Variants in NEURL1 observed in about 807,000 individuals in gnomAD.
NEURL1 encodes the protein neuralized E3 ubiquitin protein ligase 1, also known as E3 ubiquitin-protein ligase NEURL1.
A neutral mutation model predicts 41.2 loss-of-function variants in NEURL1; 26 were observed. The observed-to-expected ratio is 0.63, with a 90% CI of 0.46 to 0.87. The LOEUF (loss-of-function observed/expected upper bound fraction) is 0.87. Ranked by LOEUF, NEURL1 falls within the 40% of genes least tolerant of loss-of-function variation. The pLI is 0.00. For missense variants in NEURL1, 761 were observed against 871.1 expected, an observed-to-expected ratio of 0.87 and a Z score of 1.59; for synonymous variants, 400 against 402.3, an observed-to-expected ratio of 0.99 and a Z score of 0.07.
chr10:103,555,410 C>T (rs900366403), intron 1 of NEURL1: 9 of 1,359,354 alleles, frequency 6.6e-6, no homozygotes, highest in Non-Finnish European at 8.8e-6. Context: ...GAGCACTCTC[C>T]ACGGTAAGGC....
In NEURL1 at chr10:103,553,500, G is replaced by C. The variant is rs1488649559; in HGVS notation, c.86-17372G>C. ...GACTCGGGTGTCGTGGCTTCTCCCG[G>C]AAGTCGTGGGCATGCCTCTGGCTCA... On this transcript the variant is annotated intron_variant, in intron 1 of 5. Transcript: ENST00000369780. Among the ~76,000 whole-genome samples the C allele has an allele frequency of 2.6e-5, 4 of 151,858 alleles. No individual in the cohort carries two copies. The East Asian group carries it at 5.8e-4, about 22-fold the overall frequency.
Position 103,535,570 on chromosome 10 carries a change from C to T in NEURL1, c.86-35302C>T, listed in dbSNP as rs556498250. On this transcript the variant is annotated intron_variant, in intron 1 of 5. Transcript: ENST00000369780. ...GCTTAGGCACTGGGGTGAGTGACTG[C>T]TCCAGGTAGCCAAGGTACTGTTTTC... 1.2e-4 allele frequency among the ~76,000 whole-genome samples: 19 copies of T among 152,278 alleles called. No individual in the cohort carries two copies. The South Asian group carries it at 3.9e-3, about 32-fold the overall frequency.
chr10:103,512,992 A>G (rs558468313), intron 1 of NEURL1, among the ~76,000 whole-genome samples: 7 of 150,224 alleles, frequency 4.7e-5, no homozygotes, highest in Non-Finnish European at 1.0e-4. Context: ...CTCTCCCTCT[A>G]CCTTCTCATT....
intron 3 of NEURL1, among the ~76,000 whole-genome samples, chr10:103,579,216 C>T (rs1431631499): frequency 2.0e-5 from 3 of 152,236 alleles, no homozygotes; most frequent in African/African-American, 7.2e-5. Flanking sequence ...TGCTCTTCAC[C>T]AGGTGTTTGC....
At chr10:103,575,218 T>C (rs2035636060) in intron 3 of NEURL1, among the ~76,000 whole-genome samples, 1 of 151,638 alleles carries the variant, frequency 6.6e-6, no homozygotes, top group Non-Finnish European at 1.5e-5. Context: ...CACCTGTATC[T>C]TTCTGGGCTT....
In NEURL1 at chr10:103,508,093, C is replaced by T. The variant is rs181261882; in HGVS notation, c.85+13621C>T. On this transcript the variant is annotated intron_variant, in intron 1 of 5. Transcript: ENST00000369780. This position sits in a 1 kb window ranked among gnomAD's most constrained non-coding sequence, Gnocchi z 4.3. ...GATGGCCCTGTAGTAAAACAGAATGCGGAAGAGCAGCTGAGAACCAGGCAA... is the reference window on the plus strand; with the variant it reads ...GATGGCCCTGTAGTAAAACAGAATGTGGAAGAGCAGCTGAGAACCAGGCAA... 1.6e-3 allele frequency among the ~76,000 whole-genome samples: 246 copies of T among 152,272 alleles called. 7 individuals are homozygous for T. Among genetic ancestry groups the T allele is most frequent in the Admixed American group, 0.015 (226 of 15,294 alleles).
chr10:103,588,947 A>G (rs1026525555), intron 4 of NEURL1: 81 of 375,378 alleles, frequency 2.2e-4, no homozygotes, highest in Non-Finnish European at 4.1e-4. Context: ...CGTCTGAAAA[A>G]AAAAAAAAAA....
Position 103,571,795 on chromosome 10 carries a change from G to A in NEURL1, c.622G>A (p.Gly208Ser). 1 of 1,610,098 alleles carries A rather than the reference G, an allele frequency of 6.2e-7. No individual in the cohort carries two copies. Among genetic ancestry groups the A allele is most frequent in the African/African-American group, 1.3e-5 (1 of 75,020 alleles). Residue 208 changes from glycine to serine, a missense_variant, in exon 3 of 6, where the codon GGC becomes AGC. By Grantham distance (56) the Gly-to-Ser change is moderately conservative. Around this residue, in one of 5 missense-constraint regions of NEURL1, gnomAD observed 114 missense variants for 144.8 expected, o/e 0.79. Coordinates refer to ENST00000369780, the MANE Select transcript of NEURL1 (RefSeq NM_004210.5). ...DPLWALVDVY[G>S]LTRGVQLLDS... is the part of the protein sequence containing the mutation. The stretch of plus-strand genomic sequence containing the variant: ...GCTCTGGGCCCTGGTGGACGTCTAC[G>A]GCCTCACGCGGGGCGTCCAGCTGCT...
intron 1 of NEURL1, among the ~76,000 whole-genome samples, chr10:103,567,387 A>C (rs910612178): frequency 6.6e-6 from 1 of 152,048 alleles, no homozygotes; most frequent in Non-Finnish European, 1.5e-5. Flanking sequence ...TTGGCTATTA[A>C]TGCCTTTTAA....
At chr10:103,572,109 A>G (rs60469668) in intron 3 of NEURL1, among the ~76,000 whole-genome samples, 38,740 of 152,136 alleles carry the variant, frequency 0.25, 5,709 homozygotes, top group African/African-American at 0.4. Flanking sequence ...GACCTCAAAG[A>G]CCACCACCCC....
chr10:103,582,176 C>T (rs1339632566), intron 3 of NEURL1, among the ~76,000 whole-genome samples: 1 of 152,112 alleles, frequency 6.6e-6, no homozygotes, highest in Non-Finnish European at 1.5e-5. Context: ...TCCTCTTCTC[C>T]CTGCTGTTAC....
intron 3 of NEURL1, among the ~76,000 whole-genome samples, chr10:103,583,813 T>C (rs547134255): frequency 8.4e-6 from 1 of 119,278 alleles, no homozygotes; most frequent in South Asian, 3.1e-4. Flanking sequence ...AATGCTTTTC[T>C]CTGGGTGGTG....
chr10:103,542,451 C>T (rs2034839967), intron 1 of NEURL1, among the ~76,000 whole-genome samples: 1 of 152,058 alleles, frequency 6.6e-6, no homozygotes, highest in Non-Finnish European at 1.5e-5. Context: ...TTTGTAGGGA[C>T]AGGGTCTTGC....
intron 1 of NEURL1, among the ~76,000 whole-genome samples, chr10:103,511,457 A>G (rs116776528): frequency 0.01 from 1,541 of 152,346 alleles, 18 homozygotes; most frequent in African/African-American, 0.034. Context: ...AGGAGGGAAG[A>G]GGAAAGGTAG....
chr10:103,494,078 GC>G lies in NEURL1; in HGVS notation c.-309del. 1 of 246,448 alleles carries G rather than the reference GC, an allele frequency of 4.1e-6. No individual in the cohort carries two copies. Among genetic ancestry groups the G allele is most frequent in the East Asian group, 8.8e-5 (1 of 11,356 alleles). 15.3% of individuals were successfully genotyped at this position (246,448 alleles called of 1,614,324 possible). On this transcript the variant is annotated 5_prime_UTR_variant, in exon 1 of 6. It removes the in-frame stop codon of an upstream open reading frame in the 5' UTR. Coordinates refer to ENST00000369780, the MANE Select transcript of NEURL1 (RefSeq NM_004210.5). ...AGCCGGAACCCTAGCGTCCCGGGGA[GC>G]AAGCGGGGAGCCCCGGGCGTCCCCG...
intron 1 of NEURL1, among the ~76,000 whole-genome samples, chr10:103,513,465 C>T (rs111376352): frequency 9.2e-5 from 14 of 152,250 alleles, no homozygotes; most frequent in Non-Finnish European, 1.6e-4. Context: ...CTCCAAGGCT[C>T]ACTGAGGTGC....
rs148118023 is a variant in NEURL1 at position 103,496,101 on chromosome 10, C to T, written c.85+1629C>T. Among the ~76,000 whole-genome samples the T allele has an allele frequency of 1.1e-3, 171 of 149,624 alleles. 1 individual carries two copies. Among genetic ancestry groups the T allele is most frequent in the African/African-American group, 3.7e-3 (150 of 40,516 alleles). ...CTCCAGCCTGAGCGACAGAGCGAGACTCTGTCTTGCTAAAAAAAAAAAAAA... is the reference window on the plus strand; with the variant it reads ...CTCCAGCCTGAGCGACAGAGCGAGATTCTGTCTTGCTAAAAAAAAAAAAAA... On this transcript the variant is annotated intron_variant, in intron 1 of 5. Coordinates refer to ENST00000369780, the MANE Select transcript of NEURL1 (RefSeq NM_004210.5).
intron 1 of NEURL1, among the ~76,000 whole-genome samples, chr10:103,507,376 T>G (rs997910817): frequency 2.0e-5 from 3 of 150,602 alleles, no homozygotes; most frequent in African/African-American, 2.4e-5. Flanking sequence ...TGGGGAGGGG[T>G]GGAGAGGGGC....
At chr10:103,510,943 C>T (rs1296163518) in intron 1 of NEURL1, among the ~76,000 whole-genome samples, 1 of 152,188 alleles carries the variant, frequency 6.6e-6, no homozygotes, top group East Asian at 1.9e-4. Flanking sequence ...CAGGCCACCC[C>T]CCGCCGCTGT....
Sources: allele counts gnomAD v4.1 joint callset (sites outside exome capture counted in the v4.1 genomes callset), GRCh38; gene constraint gnomAD v4.1.1; regional missense constraint gnomAD v4.1.1; non-coding constraint Gnocchi (gnomAD v3.1); transcripts MANE v1.5; gene names NCBI Gene and HGNC (gene_info 2026-07-23, HGNC 2026-07-21).